The following FAM222B variants were observed in gnomAD, a reference collection of about 807,000 sequenced individuals.
FAM222B encodes the protein family with sequence similarity 222 member B.
Under a neutral mutation model 38.0 loss-of-function variants are expected in FAM222B, and 12 were observed. The ratio of observed to expected loss-of-function variants is 0.32; its 90% CI spans 0.20 to 0.51. The LOEUF is 0.51. FAM222B is among the 20% of genes least tolerant of loss of function. The pLI is 0.97. For synonymous variants in FAM222B, 329 were observed against 317.2 expected (o/e 1.04, Z -0.40); for missense variants, 716 against 754.2 (o/e 0.95, Z 0.59).
intron 1 of FAM222B, chr17:28,812,181 G>C (rs986863825): frequency 6.6e-6 from 1 of 152,212 alleles, no homozygotes; most frequent in African/African-American, 2.4e-5. Context: ...CTGAAGTCGG[G>C]GTCGCGTTAG....
chr17:28,821,353 T>C (rs2038212385), intron 1 of FAM222B, among the ~76,000 whole-genome samples: 1 of 152,200 alleles, frequency 6.6e-6, no homozygotes, highest in Non-Finnish European at 1.5e-5. Flanking sequence ...AAAAAGCATG[T>C]TGCTTATTTT....
Position 28,763,241 on chromosome 17 carries a change from TCTC to T in FAM222B, c.82+3342_82+3344del, listed in dbSNP as rs577699968. Among the ~76,000 whole-genome samples, 14 of 152,302 alleles carry T rather than the reference TCTC, an allele frequency of 9.2e-5. No homozygotes were observed. The South Asian group carries it at 2.9e-3, about 32-fold the overall frequency. Reference sequence around the variant, plus strand: ...AATTATCAACAGGGATGAATTCTGCTCTCCTACTTCACAGAATTACTAAGATCG... The same window carrying T: ...AATTATCAACAGGGATGAATTCTGCTCTACTTCACAGAATTACTAAGATCG... On this transcript the variant is annotated intron_variant, in intron 2 of 2. Transcript: ENST00000581407.
rs973844150 is a variant in FAM222B, at chr17:28,803,975, C to T, written c.-40-37268G>A. Among the ~76,000 whole-genome samples, 57 of 151,410 alleles carry T rather than the reference C, an allele frequency of 3.8e-4. 1 individual carries two copies. The highest frequency in any genetic ancestry group is 1.3e-3 in the African/African-American group (55 of 41,240). On this transcript the variant is annotated intron_variant, in intron 1 of 2. Transcript: ENST00000581407. ...CAGCCTGGGTGACAGAGCAAGACCACGTCTCAAAAAAAAAACCAAAAAGCA... is the reference window on the plus strand; with the variant it reads ...CAGCCTGGGTGACAGAGCAAGACCATGTCTCAAAAAAAAAACCAAAAAGCA...
chr17:28,801,379 G>A (rs973907082), intron 1 of FAM222B, among the ~76,000 whole-genome samples: 41 of 151,072 alleles, frequency 2.7e-4, no homozygotes, highest in African/African-American at 1.2e-4. Context: ...TGTGAACCCC[G>A]GGGGGCGGAG....
intron 2 of FAM222B, among the ~76,000 whole-genome samples, chr17:28,760,725 G>A (rs2035032400): frequency 6.6e-6 from 1 of 152,220 alleles, no homozygotes; most frequent in South Asian, 2.1e-4. Context: ...CGACTCTTCA[G>A]TCTGCAGGGA....
chr17:28,836,909 G>A (rs2038863690), intron 1 of FAM222B, among the ~76,000 whole-genome samples: 1 of 152,124 alleles, frequency 6.6e-6, no homozygotes, highest in East Asian at 1.9e-4. Context: ...CCTGAGGTCA[G>A]GAGTTCGAGA....
At chr17:28,811,560 T>A (rs1597992426) in intron 1 of FAM222B, among the ~76,000 whole-genome samples, 1 of 152,164 alleles carries the variant, frequency 6.6e-6, no homozygotes, top group Non-Finnish European at 1.5e-5. Flanking sequence ...TCTGTGAATA[T>A]AAGAAATATA....
At chr17:28,844,614 A>G (rs1235394373), upstream of FAM222B, among the ~76,000 whole-genome samples, 1 of 152,080 alleles carries the variant, frequency 6.6e-6, no homozygotes, top group East Asian at 1.9e-4. Context: ...GCCGAGATCA[A>G]GCCACTGCAT....
chr17:28,777,128 A>G (rs1299972009), intron 1 of FAM222B: 1 of 152,166 alleles, frequency 6.6e-6, no homozygotes, highest in African/African-American at 2.4e-5. Context: ...GTCACTTGCA[A>G]TTGTGACCTC....
intron 1 of FAM222B, among the ~76,000 whole-genome samples, chr17:28,853,063 T>C (rs1333588678): frequency 5.3e-5 from 8 of 151,696 alleles, no homozygotes; most frequent in East Asian, 1.9e-4. Context: ...CATGGTGGTG[T>C]ATGCCTGTGA....
rs192054170 is a variant in FAM222B at position 28,787,000 on chromosome 17, C to T, written c.-40-20293G>A. Among the ~76,000 whole-genome samples, 47 of 149,270 alleles carry T rather than the reference C, an allele frequency of 3.1e-4. 1 individual carries two copies. The East Asian group carries it at 9.0e-3, about 29-fold the overall frequency. On this transcript the variant is annotated intron_variant, in intron 1 of 2. Coordinates refer to ENST00000581407, the MANE Select transcript of FAM222B (RefSeq NM_001077498.3). Reference sequence around the variant, plus strand: ...AGTGCAGTGGTGCGATCTCCGCTCACGGCAACCTCCACCTCCTGGGTTCAC... The same window carrying T: ...AGTGCAGTGGTGCGATCTCCGCTCATGGCAACCTCCACCTCCTGGGTTCAC...
intron 1 of FAM222B, among the ~76,000 whole-genome samples, chr17:28,788,468 A>T (rs2036518472): frequency 6.6e-6 from 1 of 151,720 alleles, no homozygotes; most frequent in African/African-American, 2.4e-5. Flanking sequence ...GGAACTCATG[A>T]GCTCAGGCAA....
chr17:28,769,582 C>T (rs1413590757), intron 1 of FAM222B, among the ~76,000 whole-genome samples: 1 of 152,222 alleles, frequency 6.6e-6, no homozygotes, highest in African/African-American at 2.4e-5. Context: ...CAGACGTGAG[C>T]CACCGCGCCC....
chr17:28,821,339 C>T (rs2038212157), intron 1 of FAM222B, among the ~76,000 whole-genome samples: 1 of 152,164 alleles, frequency 6.6e-6, no homozygotes, highest in Non-Finnish European at 1.5e-5. Flanking sequence ...TAAGGCCTCT[C>T]AATAAAAAGC....
intron 1 of FAM222B, among the ~76,000 whole-genome samples, chr17:28,841,087 G>A (rs985530344): frequency 6.6e-6 from 1 of 152,142 alleles, no homozygotes; most frequent in Non-Finnish European, 1.5e-5. Flanking sequence ...CTGACGTGAG[G>A]AGTTCAAGAC....
At chr17:28,769,271 C>T (rs2035500349) in intron 1 of FAM222B, among the ~76,000 whole-genome samples, 1 of 151,140 alleles carries the variant, frequency 6.6e-6, no homozygotes, top group Non-Finnish European at 1.5e-5. Context: ...CCTCCGCTCC[C>T]GGGTTCACGC....
chr17:28,771,780 T>TG (rs1307936604), intron 1 of FAM222B, among the ~76,000 whole-genome samples: 3 of 150,770 alleles, frequency 2.0e-5, no homozygotes, highest in Non-Finnish European at 4.4e-5. Flanking sequence ...AAAGGCCAGG[T>TG]GCGGTGGCTC....
chr17:28,813,096 T>G (rs1238344483), intron 1 of FAM222B, among the ~76,000 whole-genome samples: 14 of 51,044 alleles, frequency 2.7e-4, no homozygotes, highest in Admixed American at 6.8e-4. Context: ...GTTGGTGGGG[T>G]GGAGAAGGGA....
At chr17:28,833,181 C>T (rs565794885) in intron 1 of FAM222B, among the ~76,000 whole-genome samples, 195 of 151,670 alleles carry the variant, frequency 1.3e-3, no homozygotes, top group Middle Eastern at 6.8e-3. Context: ...TGGTGGCACG[C>T]GCCTGTAGTC....
Sources: allele counts gnomAD v4.1 joint callset (sites outside exome capture counted in the v4.1 genomes callset), GRCh38; gene constraint gnomAD v4.1.1; transcripts MANE v1.5; gene names NCBI Gene and HGNC (gene_info 2026-07-23, HGNC 2026-07-21).